The following ADGB variants were observed in gnomAD, a reference collection of about 807,000 sequenced individuals.
The protein encoded by ADGB is calpain-7-like protein.
Under a neutral mutation model 210.5 loss-of-function variants are expected in ADGB, and 172 were observed. The observed-to-expected ratio is 0.82, with a 90% CI of 0.72 to 0.93. The LOEUF (loss-of-function observed/expected upper bound fraction) is 0.93, where lower values mean the gene tolerates loss of function less well. Ranked by LOEUF, ADGB falls within the 40% of genes least tolerant of loss-of-function variation. The pLI is 0.00. For synonymous variants in ADGB, 658 were observed against 662.7 expected (o/e 0.99, Z 0.11); for missense variants, 2,025 against 1,964.8 (o/e 1.03, Z -0.58).
At chr6:146,721,335 C>T (rs1776809069) in intron 16 of ADGB, 68 bp from the exon 17 acceptor site, 6 of 1,015,982 alleles carry the variant, frequency 5.9e-6, no homozygotes, top group Non-Finnish European at 7.5e-6. Flanking sequence ...ACTATGTTTT[C>T]ATTAGAAGTG....
At chr6:146,797,319 C>A (rs1778059094) in intron 33 of ADGB, among the ~76,000 whole-genome samples, 1 of 152,126 alleles carries the variant, frequency 6.6e-6, no homozygotes, top group Non-Finnish European at 1.5e-5. Context: ...AGTAGAACTA[C>A]CATTTGATCC....
At chr6:146,697,123 G>A (rs553044309) in intron 12 of ADGB, among the ~76,000 whole-genome samples, 1 of 152,226 alleles carries the variant, frequency 6.6e-6, no homozygotes, top group South Asian at 2.1e-4. Flanking sequence ...AAGGGGGAAG[G>A]AGGAGGAAGA....
intron 28 of ADGB, among the ~76,000 whole-genome samples, chr6:146,765,159 G>A (rs144970385): frequency 6.6e-6 from 1 of 151,958 alleles, no homozygotes; most frequent in African/African-American, 2.4e-5. Context: ...AATAAATCAA[G>A]TAGACATGGC....
chr6:146,749,606 C>A (rs1194041077), intron 26 of ADGB, among the ~76,000 whole-genome samples: 1 of 152,068 alleles, frequency 6.6e-6, no homozygotes, highest in African/African-American at 2.4e-5. Flanking sequence ...CTCCTTGAAA[C>A]CTTGGCAAGA....
At chr6:146,756,942 G>A (rs1777415521) in intron 27 of ADGB, among the ~76,000 whole-genome samples, 1 of 151,898 alleles carries the variant, frequency 6.6e-6, no homozygotes, top group Admixed American at 6.6e-5. Context: ...GGCCATGCTG[G>A]TCTCAAACTC....
At chr6:146,809,565 C>T (rs1449236280) in intron 35 of ADGB, among the ~76,000 whole-genome samples, 1 of 152,082 alleles carries the variant, frequency 6.6e-6, no homozygotes, top group Non-Finnish European at 1.5e-5. Flanking sequence ...TGTTCTCAAA[C>T]TCCTGAGTTC....
chr6:146,774,860 C>T (rs1158955723), intron 29 of ADGB, among the ~76,000 whole-genome samples: 1 of 152,130 alleles, frequency 6.6e-6, no homozygotes, highest in Non-Finnish European at 1.5e-5. Flanking sequence ...GCAACCTCCT[C>T]CTCCTGGGCT....
chr6:146,647,115 A>AAAAAC (rs1562263814), intron 3 of ADGB, among the ~76,000 whole-genome samples: 8 of 148,032 alleles, frequency 5.4e-5, no homozygotes, highest in African/African-American at 2.0e-4. Flanking sequence ...CAAAAAACAA[A>AAAAAC]AAACAAACAA....
Position 146,635,529 on chromosome 6 carries a change from C to A in ADGB, c.229C>A (p.Pro77Thr). 1 of 1,530,142 alleles carries A rather than the reference C, an allele frequency of 6.5e-7. No homozygotes were observed. The highest frequency in any genetic ancestry group is 2.5e-5 in the East Asian group (1 of 40,108). 94.8% of individuals were successfully genotyped at this position (1,530,142 alleles called of 1,614,324 possible). ...AGAAAAGGACAAAACAGGAAAAAGC[C>A]CTGTATTTGTAAGTAGATGTAAATG... ...AKEKDKTGKSPVFHFFEDPEG... is the reference protein window; with the variant it reads ...AKEKDKTGKSTVFHFFEDPEG... Residue 77 changes from proline to threonine, a missense_variant, in exon 2 of 36, where the codon CCT becomes ACT. By Grantham distance (38) the Pro-to-Thr change is conservative (BLOSUM62 -1). Coordinates refer to ENST00000397944, the MANE Select transcript of ADGB (RefSeq NM_024694.4).
At chr6:146,667,726 CA>C (rs1397763557) in intron 7 of ADGB, among the ~76,000 whole-genome samples, 18 of 151,958 alleles carry the variant, frequency 1.2e-4, no homozygotes, top group Non-Finnish European at 2.1e-4. Flanking sequence ...AACATAACAG[CA>C]ACTTTTAATT....
At chr6:146,621,007 T>G (rs566505689) in intron 1 of ADGB, among the ~76,000 whole-genome samples, 1 of 152,284 alleles carries the variant, frequency 6.6e-6, no homozygotes, top group East Asian at 1.9e-4. Context: ...GAAGAACTTA[T>G]GTTGAGCACC....
In ADGB at chr6:146,811,864, C is replaced by T. The variant is rs751593762; in HGVS notation, c.4819-3168C>T. The stretch of plus-strand genomic sequence containing the variant: ...TTTTTTTTTCTATTTTTAGTAGAGA[C>T]GGGGCTTCACCATGTTGGTCAGGCT... On this transcript the variant is annotated intron_variant, in intron 35 of 35. Coordinates refer to ENST00000397944, the MANE Select transcript of ADGB (RefSeq NM_024694.4). Among the ~76,000 whole-genome samples, 276 of 152,024 alleles carry T rather than the reference C, an allele frequency of 1.8e-3. 1 individual carries two copies. The highest frequency in any genetic ancestry group is 3.2e-3 in the Non-Finnish European group (218 of 67,968).
chr6:146,657,762 C>CT (rs1425621922), intron 5 of ADGB, among the ~76,000 whole-genome samples: 4 of 152,204 alleles, frequency 2.6e-5, no homozygotes. Context: ...GGCCTGATCC[C>CT]ATCAGTTCTT....
intron 33 of ADGB, among the ~76,000 whole-genome samples, chr6:146,799,073 A>AC (rs1207888098): frequency 8.6e-5 from 13 of 150,938 alleles, no homozygotes; most frequent in African/African-American, 1.9e-4. Flanking sequence ...AAAAAAAAAA[A>AC]AAAAAACAGA....
chr6:146,676,549 C>T (rs1335114966), intron 9 of ADGB, 108 bp downstream of exon 9: 3 of 1,075,012 alleles, frequency 2.8e-6, no homozygotes, highest in Non-Finnish European at 2.4e-6. Flanking sequence ...ACTAAATAAA[C>T]TTAGTCAAGG....
intron 1 of ADGB, among the ~76,000 whole-genome samples, chr6:146,627,239 T>A (rs1442966129): frequency 6.6e-6 from 1 of 152,158 alleles, no homozygotes; most frequent in Non-Finnish European, 1.5e-5. Flanking sequence ...AACACCTGTG[T>A]CAGTTATGTG....
At chr6:146,716,140 A>G (rs1386616921) in intron 14 of ADGB, among the ~76,000 whole-genome samples, 1 of 151,958 alleles carries the variant, frequency 6.6e-6, no homozygotes, top group East Asian at 1.9e-4. Context: ...GGGAGTGATT[A>G]AATGTGTTAC....
chr6:146,690,658 G>A (rs1776291524), intron 10 of ADGB, among the ~76,000 whole-genome samples: 1 of 152,208 alleles, frequency 6.6e-6, no homozygotes, highest in African/African-American at 2.4e-5. Flanking sequence ...GTTAGGGGAA[G>A]AGGGGTGAAG....
Position 146,746,072 on chromosome 6 carries a change from G to A in ADGB, c.3328G>A (p.Asp1110Asn), listed in dbSNP as rs1777231001. The change falls in exon 26 of 36, where the codon GAT (aspartate) becomes AAT (asparagine). Residue 1110 changes from aspartate (D) to asparagine (N), a missense_variant. Coordinates refer to ENST00000397944, the MANE Select transcript of ADGB (RefSeq NM_024694.4). The part of the protein sequence containing the change: ...CNSFAIKEIR[D>N]YYIPNDKKIL... ...TTCCTTTGCCATAAAGGAAATCCGA[G>A]ATTACTACATACCCAATGATAAGAA... The A allele has an allele frequency of 1.3e-6, 2 of 1,550,288 alleles. No individual in the cohort carries two copies. Among genetic ancestry groups the A allele is most frequent in the African/African-American group, 1.4e-5 (1 of 72,986 alleles).
Sources: allele counts gnomAD v4.1 joint callset (sites outside exome capture counted in the v4.1 genomes callset), GRCh38; gene constraint gnomAD v4.1.1; transcripts MANE v1.5; gene names NCBI Gene and HGNC (gene_info 2026-07-23, HGNC 2026-07-21).